RIOK3: variants seen among roughly 807,000 people sequenced by gnomAD.
RIOK3 encodes the protein serine/threonine-protein kinase RIO3.
A neutral mutation model predicts 63.5 loss-of-function variants in RIOK3; 40 were observed. The observed-to-expected ratio is 0.63, with a 90% CI of 0.49 to 0.82. The LOEUF is 0.82. Among genes scored for constraint, RIOK3 ranks in the 40% least tolerant of loss-of-function variants. RIOK3 has a pLI of 0.00. For synonymous variants in RIOK3, 193 were observed against 205.0 expected, an observed-to-expected ratio of 0.94 and a Z score of 0.50; for missense variants, 557 against 637.0, an observed-to-expected ratio of 0.87 and a Z score of 1.35.
intron 1 of RIOK3, among the ~76,000 whole-genome samples, chr18:23,457,056 G>T (rs1294462967): frequency 3.9e-5 from 6 of 152,144 alleles, no homozygotes; most frequent in African/African-American, 1.2e-4. Flanking sequence ...GTAGACTCTG[G>T]AAAACTCCAC....
intron 12 of RIOK3, among the ~76,000 whole-genome samples, chr18:23,480,044 CAT>C (rs1398052615): frequency 5.9e-5 from 9 of 152,296 alleles, no homozygotes; most frequent in African/African-American, 1.9e-4. Context: ...AAAATAGTAA[CAT>C]GTGGTCCCTG....
intron 7 of RIOK3, among the ~76,000 whole-genome samples, chr18:23,469,396 C>CCG (rs1568384642): frequency 1.3e-5 from 1 of 76,612 alleles, no homozygotes; most frequent in Admixed American, 1.5e-4. Context: ...CCCCTCTCTC[C>CCG]TCTCTCCCCT....
In RIOK3 at chr18:23,481,755, G is replaced by T. The variant is rs568505698; in HGVS notation, c.*476G>T. The stretch of plus-strand genomic sequence containing the variant: ...TCAATTATGTTTCCAGACTGTGGCC[G>T]TGATTCTAAAGGAAAATGTGTGCTC... On this transcript the variant is annotated 3_prime_UTR_variant, in exon 13 of 13. Transcript: ENST00000339486. 2.6e-5 allele frequency: 4 copies of T among 152,476 alleles called. No individual in the cohort carries two copies. The highest frequency in any genetic ancestry group is 9.6e-5 in the African/African-American group (4 of 41,552). The allele number at this position is 152,476 out of a possible 1,614,324, so 9.4% of individuals were successfully genotyped here. A position where few individuals can be genotyped will look rare whatever the true frequency, so the allele number is the denominator to read the frequency against.
At chr18:23,461,330 A>G (rs1398018603) in intron 1 of RIOK3, among the ~76,000 whole-genome samples, 19 of 152,246 alleles carry the variant, frequency 1.2e-4, no homozygotes, top group Non-Finnish European at 2.6e-4. Flanking sequence ...CTTTATCCTA[A>G]AAGCAATGGG....
rs2057515900 is a variant in RIOK3 at position 23,479,358 on chromosome 18, A to AT, written c.1386_1387insT (p.Glu463Ter). The AT allele has an allele frequency of 6.2e-7, 1 of 1,613,822 alleles. No individual in the cohort carries two copies. The highest frequency in any genetic ancestry group is 1.7e-5 in the Admixed American group (1 of 60,006). ...GAGTCAAGGAAGCCCTTAGTGAACG[A>AT]GAACTCTTCAATGCTGTTTCAGGCT... On this transcript the variant is annotated frameshift_variant, in exon 12 of 13. Coordinates refer to ENST00000339486, the MANE Select transcript of RIOK3 (RefSeq NM_003831.5). LOFTEE classifies it high-confidence loss of function.
chr18:23,472,122 A>C (rs1208577808), intron 7 of RIOK3, among the ~76,000 whole-genome samples: 3 of 152,012 alleles, frequency 2.0e-5, no homozygotes, highest in Admixed American at 2.0e-4. Context: ...AATCCCAGCT[A>C]CTCAAGAGGC....
intron 7 of RIOK3, among the ~76,000 whole-genome samples, chr18:23,469,549 G>A (rs555313453): frequency 2.7e-5 from 4 of 147,916 alleles, no homozygotes; most frequent in Admixed American, 6.8e-5. Context: ...GTGCAATGGC[G>A]CAATCTTGGC....
In RIOK3 at chr18:23,473,578, G is replaced by A. The variant is rs370750384; in HGVS notation, c.965G>A (p.Arg322His). 39 of 1,613,598 alleles carry A rather than the reference G, an allele frequency of 2.4e-5. No individual in the cohort carries two copies. Among genetic ancestry groups the A allele is most frequent in the African/African-American group, 5.3e-5 (4 of 75,030 alleles). The change falls in exon 8 of 13, where the codon CGT becomes CAT. Residue 322 changes from arginine to histidine, a missense_variant. Transcript: ENST00000339486. ...FKDRFSKLNPRKIIRMWAEKE... is the reference protein window; with the variant it reads ...FKDRFSKLNPHKIIRMWAEKE... ...GATCGCTTCAGTAAACTAAATCCAC[G>A]TAAGATCATCCGCATGTGGGCAGAA... is the stretch of plus-strand genomic sequence containing the variant.
chr18:23,473,293 C>A, intron 7 of RIOK3, 136 bp from the exon 8 acceptor site: 2 of 541,814 alleles, frequency 3.7e-6, no homozygotes, highest in Non-Finnish European at 3.3e-6. Flanking sequence ...AGATCCAAAA[C>A]CTAAAGGCTT....
At chr18:23,469,764 G>T (rs915869673) in intron 7 of RIOK3, among the ~76,000 whole-genome samples, 2 of 152,204 alleles carry the variant, frequency 1.3e-5, no homozygotes, top group South Asian at 2.1e-4. Context: ...GGGATTACAG[G>T]CGTGGGCCAC....
intron 7 of RIOK3, among the ~76,000 whole-genome samples, chr18:23,469,725 A>G (rs2057443513): frequency 6.6e-6 from 1 of 151,888 alleles, no homozygotes; most frequent in African/African-American, 2.4e-5. Context: ...TGACCTTGTG[A>G]TCCAACTGCC....
chr18:23,479,957 G>C (rs1243741226), intron 12 of RIOK3, among the ~76,000 whole-genome samples: 1 of 152,172 alleles, frequency 6.6e-6, no homozygotes, highest in Non-Finnish European at 1.5e-5. Context: ...GTTAAGATGG[G>C]CAAACTGTAC....
intron 9 of RIOK3, among the ~76,000 whole-genome samples, chr18:23,475,511 C>T (rs530938897): frequency 1.3e-5 from 2 of 151,186 alleles, no homozygotes; most frequent in African/African-American, 2.4e-5. Context: ...CACCTGTAGT[C>T]CCAGCTACTC....
intron 7 of RIOK3, among the ~76,000 whole-genome samples, chr18:23,469,921 AAGG>A (rs886731017): frequency 2.0e-5 from 3 of 152,230 alleles, no homozygotes; most frequent in East Asian, 1.9e-4. Flanking sequence ...CTTTAGCTAA[AAGG>A]AGAACATTAC....
intron 5 of RIOK3, 44 bp from the exon 6 acceptor site, chr18:23,466,089 T>C: frequency 6.7e-7 from 1 of 1,493,464 alleles, no homozygotes; most frequent in East Asian, 2.3e-5. Context: ...TTTTTAACTG[T>C]CCCTATTTTA....
At chr18:23,470,448 G>C (rs191377175) in intron 7 of RIOK3, among the ~76,000 whole-genome samples, 1 of 152,068 alleles carries the variant, frequency 6.6e-6, no homozygotes, top group East Asian at 1.9e-4. Context: ...AATTTTTTAA[G>C]TCATACAGAA....
chr18:23,459,983 T>G (rs1220411010), intron 1 of RIOK3, among the ~76,000 whole-genome samples: 1 of 152,256 alleles, frequency 6.6e-6, no homozygotes, highest in Non-Finnish European at 1.5e-5. Context: ...CGTGAGCCAC[T>G]GCACACGGCC....
intron 7 of RIOK3, among the ~76,000 whole-genome samples, chr18:23,469,828 A>G (rs2057444273): frequency 6.6e-6 from 1 of 152,146 alleles, no homozygotes; most frequent in Admixed American, 6.5e-5. Flanking sequence ...TCAGGCAATC[A>G]ACAATTATTC....
chr18:23,459,780 T>C (rs1179765090), intron 1 of RIOK3, among the ~76,000 whole-genome samples: 1 of 151,898 alleles, frequency 6.6e-6, no homozygotes, highest in Admixed American at 6.5e-5. Flanking sequence ...AAGCGATTCT[T>C]CTGCCTCAGC....
Sources: gnomAD v4.1 joint callset for allele counts (sites outside exome capture counted in the v4.1 genomes callset) on GRCh38, gnomAD v4.1.1 for gene constraint, MANE v1.5 for transcripts, NCBI Gene and HGNC (gene_info 2026-07-23, HGNC 2026-07-21) for gene names.